FAT4: variants seen among roughly 807,000 people sequenced by gnomAD.
FAT4 encodes FAT atypical cadherin 4.
FAT4 carries 84 observed loss-of-function variants against 303.9 expected under a neutral mutation model. The observed-to-expected ratio is 0.28, with a 90% CI of 0.23 to 0.33. The LOEUF is 0.33. Among genes scored for constraint, FAT4 ranks in the 10% least tolerant of loss-of-function variants. The pLI is 1.00. For missense variants in FAT4, 6,005 were observed against 6,146.8 expected (o/e 0.98, Z 0.77); for synonymous variants, 2,307 against 2,298.8 (o/e 1.00, Z -0.10).
chr4:125,361,679 A>G (rs554626357), intron 2 of FAT4, among the ~76,000 whole-genome samples: 1 of 152,318 alleles, frequency 6.6e-6, no homozygotes, highest in African/African-American at 2.4e-5. Flanking sequence ...ACACAGAGAA[A>G]GAGTTATTTG....
chr4:125,460,937 A>G (rs1053828496), intron 10 of FAT4, among the ~76,000 whole-genome samples: 10 of 152,130 alleles, frequency 6.6e-5, no homozygotes, highest in Non-Finnish European at 1.5e-4. Context: ...ACTGAATGCA[A>G]GGTTGAATTT....
At position 125,317,030 on chromosome 4, in the gene FAT4, G is replaced by T; in HGVS notation, c.619G>T (p.Gly207Ter). The part of the protein sequence containing the change: ...GAFLHLVSKG[G>*]LDREVTPQYQ... Reference sequence around the variant, plus strand: ...GTTCCTGCATCTGGTGTCCAAGGGCGGACTGGACCGTGAGGTCACTCCGCA... The same window carrying T: ...GTTCCTGCATCTGGTGTCCAAGGGCTGACTGGACCGTGAGGTCACTCCGCA... Residue 207 changes from glycine (G) to a stop codon, truncating the protein, a stop_gained, in exon 2 of 18, where the codon GGA (glycine) becomes TGA (stop). Transcript: ENST00000394329. LOFTEE classifies it high-confidence loss of function. The surrounding 1 kb of genome is among the most constrained non-coding windows in gnomAD (Gnocchi z 7.0). 1 of 1,614,036 alleles carries T rather than the reference G, an allele frequency of 6.2e-7. No individual in the cohort carries two copies. Among genetic ancestry groups the T allele is most frequent in the Non-Finnish European group, 8.5e-7 (1 of 1,180,022 alleles).
Position 125,450,760 on chromosome 4 carries a change from A to C in FAT4, c.9750A>C (p.Gly3250=). ...TCTTTGTCATTGACCCTAACACAGG[A>C]GTCATAACCACTCAAGGCTTCTTGG... is the stretch of plus-strand genomic sequence containing the variant. ...SDLFVIDPNT[G]VITTQGFLDF... The change falls in exon 10 of 18, where the codon GGA becomes GGC. Residue 3250 remains glycine (G), a synonymous_variant. Transcript: ENST00000394329. The C allele has an allele frequency of 6.2e-7, 1 of 1,614,124 alleles. No individual in the cohort carries two copies. Among genetic ancestry groups the C allele is most frequent in the Non-Finnish European group, 8.5e-7 (1 of 1,180,004 alleles).
intron 5 of FAT4, among the ~76,000 whole-genome samples, chr4:125,409,413 C>CGCCT (rs1734760491): frequency 6.6e-6 from 1 of 151,952 alleles, no homozygotes; most frequent in South Asian, 2.1e-4. Context: ...TGCACCACCA[C>CGCCT]GCCTGGCTAA....
rs749123036 is a variant in FAT4 at position 125,321,429 on chromosome 4, A to G, written c.5018A>G (p.Glu1673Gly). 1.2e-6 allele frequency: 2 copies of G among 1,614,104 alleles called. No individual in the cohort carries two copies. Among genetic ancestry groups the G allele is most frequent in the African/African-American group, 1.3e-5 (1 of 75,034 alleles). The change falls in exon 2 of 18, where the codon GAA becomes GGA. Residue 1673 changes from glutamate (E) to glycine (G), a missense_variant. Transcript: ENST00000394329. ...VEYYIVSVRCEEKTVGRLFTI... is the reference protein window; with the variant it reads ...VEYYIVSVRCGEKTVGRLFTI... Reference sequence around the variant, plus strand: ...TATTATATTGTTTCAGTTCGTTGTGAAGAAAAAACTGTTGGACGCCTCTTT... The same window carrying G: ...TATTATATTGTTTCAGTTCGTTGTGGAGAAAAAACTGTTGGACGCCTCTTT...
chr4:125,351,750 T>C (rs2710545), intron 2 of FAT4, among the ~76,000 whole-genome samples: 11,653 of 151,778 alleles, frequency 0.077, 554 homozygotes, highest in South Asian at 0.16. Flanking sequence ...AAGTCAGAAA[T>C]GTTTGTACAC....
At chr4:125,464,745 C>G (rs1477341453) in intron 11 of FAT4, among the ~76,000 whole-genome samples, 2 of 152,076 alleles carry the variant, frequency 1.3e-5, no homozygotes, top group African/African-American at 4.8e-5. Context: ...TCAATTCCCA[C>G]CTATGAGTGA....
chr4:125,490,920 C>T lies in FAT4; in HGVS notation c.14104C>T (p.Arg4702Ter). The T allele has an allele frequency of 6.2e-7, 1 of 1,614,190 alleles. No individual in the cohort carries two copies. Among genetic ancestry groups the T allele is most frequent in the Non-Finnish European group, 8.5e-7 (1 of 1,180,032 alleles). The change falls in exon 18 of 18, where the codon CGA (arginine) becomes TGA (stop). Residue 4702 changes from arginine (R) to a stop codon, truncating the protein, a stop_gained. Transcript: ENST00000394329. LOFTEE classifies it high-confidence loss of function. Reference protein sequence around the residue: ...SACPTPNPLSRHSPAPFSKSS... With the variant: ...SACPTPNPLS ...ATGCCCAACTCCCAACCCTCTGTCT[C>T]GACACAGTCCAGCCCCTTTCTCCAA...
At chr4:125,408,423 A>G (rs1734706381) in intron 4 of FAT4, 21 bp from the exon 5 acceptor site, 1 of 1,465,002 alleles carries the variant, frequency 6.8e-7, no homozygotes, top group South Asian at 1.3e-5. Flanking sequence ...ATTTTATACT[A>G]TTAATTTATT....
rs867226192 is a variant in FAT4, at chr4:125,353,914, A to T, written c.5175+32328A>T. Among the ~76,000 whole-genome samples, 9 of 151,876 alleles carry T rather than the reference A, an allele frequency of 5.9e-5. No homozygotes were observed. The South Asian group carries it at 1.4e-3, about 24-fold the overall frequency. ...AGGTCCCAGAAATTTTCAATAATCT[A>T]TCATCCTTATTTAAAATTATTATAC... On this transcript the variant is annotated intron_variant, in intron 2 of 17. Transcript: ENST00000394329.
intron 2 of FAT4, among the ~76,000 whole-genome samples, chr4:125,343,951 T>C (rs999407534): frequency 2.6e-5 from 4 of 152,168 alleles, no homozygotes; most frequent in African/African-American, 7.2e-5. Context: ...TGTGTTCTAA[T>C]AGATGATTTG....
chr4:125,355,662 C>T (rs1356951587), intron 2 of FAT4, among the ~76,000 whole-genome samples: 1 of 152,002 alleles, frequency 6.6e-6, no homozygotes, highest in Non-Finnish European at 1.5e-5. Context: ...AAATATTTCA[C>T]ATCTTCATCT....
intron 12 of FAT4, among the ~76,000 whole-genome samples, chr4:125,470,670 G>C (rs988696173): frequency 2.0e-5 from 3 of 152,150 alleles, no homozygotes; most frequent in African/African-American, 7.2e-5. Context: ...CAGCCTTCAT[G>C]CAATGGAAGA....
At chr4:125,372,618 C>G (rs759623485) in intron 2 of FAT4, among the ~76,000 whole-genome samples, 4 of 152,088 alleles carry the variant, frequency 2.6e-5, no homozygotes, top group Non-Finnish European at 5.9e-5. Flanking sequence ...AGGGTCTTCT[C>G]AGACAGTTCT....
Position 125,455,138 on chromosome 4 carries a change from T to G in FAT4, c.11800+2328T>G, listed in dbSNP as rs980622924. Among the ~76,000 whole-genome samples the G allele has an allele frequency of 6.6e-5, 10 of 152,036 alleles. No homozygotes were observed. In the South Asian group the frequency reaches 1.7e-3, roughly 25 times the overall value. ...TCGGCTGGGAATTCAACAATAAGAG[T>G]TTTTATATTCTACATTAGTCTAATG... On this transcript the variant is annotated intron_variant, in intron 10 of 17. Transcript: ENST00000394329.
chr4:125,487,474 A>G lies in FAT4; in HGVS notation c.12952A>G (p.Thr4318Ala), dbSNP rs773237578. The change falls in exon 17 of 18, where the codon ACA (threonine) becomes GCA (alanine). Residue 4318 changes from threonine (T) to alanine (A), a missense_variant. Physicochemically the swap from Thr to Ala is moderately conservative, Grantham distance 58. Coordinates refer to ENST00000394329, the MANE Select transcript of FAT4 (RefSeq NM_001291303.3). ...TCTAATTGGGAAAAATGGAACAGCA[A>G]CAGTATTGTCTGTTGACAGAATATA... The part of the protein sequence containing the change: ...TFLIGKNGTA[T>A]VLSVDRIYNR... 7 of 1,614,028 alleles carry G rather than the reference A, an allele frequency of 4.3e-6. No homozygotes were observed. Among genetic ancestry groups the G allele is most frequent in the East Asian group, 4.5e-5 (2 of 44,886 alleles).
intron 14 of FAT4, among the ~76,000 whole-genome samples, chr4:125,478,748 C>T (rs1373516180): frequency 6.6e-6 from 1 of 152,088 alleles, no homozygotes; most frequent in African/African-American, 2.4e-5. Flanking sequence ...CCAGGCTGGT[C>T]TTGAACTCCT....
intron 2 of FAT4, among the ~76,000 whole-genome samples, chr4:125,365,090 T>A (rs1218230262): frequency 6.6e-6 from 1 of 152,084 alleles, no homozygotes; most frequent in East Asian, 1.9e-4. Flanking sequence ...ATGTGGAAGA[T>A]GATGGAAGAA....
rs770793156 is a variant in FAT4 at position 125,414,918 on chromosome 4, A to C, written c.5955A>C (p.Ser1985=). Residue 1985 remains serine (S), a synonymous_variant, in exon 6 of 18, where the codon TCA becomes TCC. Coordinates refer to ENST00000394329, the MANE Select transcript of FAT4 (RefSeq NM_001291303.3). ...CTCAATTGACTTATAGCATTGCTTC[A>C]GGTGATAGCCTTGGGCAGTTTACTG... ...INSQLTYSIA[S]GDSLGQFTVD... is the part of the protein sequence containing the mutation. The C allele has an allele frequency of 3.7e-6, 6 of 1,607,884 alleles. No homozygotes were observed. In the East Asian group the frequency reaches 9.0e-5, roughly 24 times the overall value.
Sources: allele counts gnomAD v4.1 joint callset (sites outside exome capture counted in the v4.1 genomes callset), GRCh38; gene constraint gnomAD v4.1.1; non-coding constraint Gnocchi (gnomAD v3.1); transcripts MANE v1.5; gene names NCBI Gene and HGNC (gene_info 2026-07-23, HGNC 2026-07-21).